DUSP14: variants seen among roughly 807,000 people sequenced by gnomAD.
DUSP14 encodes the protein dual specificity phosphatase 14, also known as dual specificity protein phosphatase 14.
A neutral mutation model predicts 13.2 loss-of-function variants in DUSP14; 5 were observed. The observed-to-expected ratio is 0.38, with a 90% CI of 0.20 to 0.80. The LOEUF (loss-of-function observed/expected upper bound fraction) is 0.80, where lower values mean the gene tolerates loss of function less well. Among genes scored for constraint, DUSP14 ranks in the 30% least tolerant of loss-of-function variants. DUSP14 has a pLI of 0.44. For synonymous variants in DUSP14, 91 were observed against 103.4 expected (o/e 0.88, Z 0.73); for missense variants, 185 against 264.0 (o/e 0.70, Z 2.07).
intron 1 of DUSP14, among the ~76,000 whole-genome samples, chr17:37,509,255 A>AG (rs2054163162): frequency 1.7e-4 from 4 of 23,676 alleles, no homozygotes; most frequent in African/African-American, 5.2e-4. Flanking sequence ...ATATATATAT[A>AG]TATATATATA....
At position 37,492,137 on chromosome 17, in the gene DUSP14, C is replaced by T. The variant is rs76034348; in HGVS notation, c.-181+2179C>T. Among the ~76,000 whole-genome samples, 1,116 of 152,190 alleles carry T rather than the reference C, an allele frequency of 7.3e-3. 8 individuals are homozygous for T. The highest frequency in any genetic ancestry group is 0.025 in the African/African-American group (1,049 of 41,508). On this transcript the variant is annotated intron_variant, in intron 1 of 2. Coordinates refer to ENST00000617516, the MANE Select transcript of DUSP14 (RefSeq NM_007026.4). ...TAATCCTGATAGACGGTGTTACTTCCCAGGGCAAGGGGCAAATTACCCCTT... is the reference window on the plus strand; with the variant it reads ...TAATCCTGATAGACGGTGTTACTTCTCAGGGCAAGGGGCAAATTACCCCTT...
intron 2 of DUSP14, among the ~76,000 whole-genome samples, chr17:37,511,938 C>CGATTTTTTTTTTTTTTTTTT (rs1568206074): frequency 2.6e-5 from 1 of 38,248 alleles, no homozygotes; most frequent in Non-Finnish European, 4.6e-5. Flanking sequence ...CCCCACCCCA[C>CGATTTTTTTTTTTTTTTTTT]TTTTTTTTTT....
intron 1 of DUSP14, among the ~76,000 whole-genome samples, chr17:37,498,123 A>G (rs2054077989): frequency 1.3e-5 from 2 of 151,608 alleles, no homozygotes; most frequent in Non-Finnish European, 2.9e-5. Context: ...TAGGGGATGG[A>G]ACTCTTAGAG....
At chr17:37,510,368 G>A (rs2054175059) in intron 1 of DUSP14, 1 of 152,296 alleles carries the variant, frequency 6.6e-6, no homozygotes, top group Admixed American at 6.5e-5. Flanking sequence ...CGAGGAGGCA[G>A]CAGTGCCGGA....
chr17:37,513,037 A>C lies in DUSP14; in HGVS notation c.*168A>C. The stretch of plus-strand genomic sequence containing the variant: ...AGAGATAGGGAGGGAGGGGACATAA[A>C]GGGAATGCATACATTGCTAGTCACA... On this transcript the variant is annotated 3_prime_UTR_variant, in exon 3 of 3. Coordinates refer to ENST00000617516, the MANE Select transcript of DUSP14 (RefSeq NM_007026.4). 1.6e-6 allele frequency: 1 copy of C among 618,310 alleles called. No homozygotes were observed. The highest frequency in any genetic ancestry group is 2.9e-5 in the Admixed American group (1 of 34,048). The allele number at this position is 618,310 out of a possible 1,614,324, so 38.3% of individuals were successfully genotyped here.
intron 1 of DUSP14, among the ~76,000 whole-genome samples, chr17:37,509,294 TATAG>T (rs1333286210): frequency 1.6e-4 from 4 of 25,132 alleles, no homozygotes; most frequent in Non-Finnish European, 3.0e-4. Flanking sequence ...TATATATATA[TATAG>T]TGTGTGTGTG....
At chr17:37,500,742 TATC>T (rs1393634888) in intron 1 of DUSP14, among the ~76,000 whole-genome samples, 1 of 152,188 alleles carries the variant, frequency 6.6e-6, no homozygotes, top group African/African-American at 2.4e-5. Flanking sequence ...GGTTTCCAGT[TATC>T]ATTAAACAAG....
At chr17:37,500,141 C>T (rs1417612715) in intron 1 of DUSP14, among the ~76,000 whole-genome samples, 4 of 152,150 alleles carry the variant, frequency 2.6e-5, no homozygotes, top group Admixed American at 6.5e-5. Context: ...GAAACTCTAG[C>T]GTGGTAATTA....
At position 37,512,403 on chromosome 17, in the gene DUSP14, A is replaced by G. The variant is rs759100584; in HGVS notation, c.131A>G (p.Asn44Ser). The change falls in exon 3 of 3, where the codon AAT (asparagine) becomes AGT (serine). Residue 44 changes from asparagine (N) to serine (S), a missense_variant. Asn to Ser is a conservative substitution (Grantham distance 46). Transcript: ENST00000617516. The surrounding 1 kb of genome is among the most constrained non-coding windows in gnomAD (Gnocchi z 4.8). ...LFLGRGSVAS[N>S]RHLLQARGIT... is the part of the protein sequence containing the mutation. ...CTGGGCAGAGGCAGTGTGGCCTCCA[A>G]TCGGCACCTCCTCCAGGCTCGTGGC... The G allele has an allele frequency of 4.4e-5, 71 of 1,614,028 alleles. No individual in the cohort carries two copies. The highest frequency in any genetic ancestry group is 2.0e-4 in the Admixed American group (12 of 59,996).
chr17:37,497,283 CG>C (rs1202131642), intron 1 of DUSP14, among the ~76,000 whole-genome samples: 2 of 152,076 alleles, frequency 1.3e-5, no homozygotes, highest in Non-Finnish European at 2.9e-5. Flanking sequence ...GCTGGGATTA[CG>C]GGCACATGCC....
intron 1 of DUSP14, among the ~76,000 whole-genome samples, chr17:37,501,380 C>T (rs976829300): frequency 7.9e-5 from 12 of 152,146 alleles, no homozygotes; most frequent in African/African-American, 1.9e-4. Flanking sequence ...ATAGAGCCTG[C>T]GTTCTGCATT....
Position 37,492,992 on chromosome 17 carries a change from C to CGTGT in DUSP14, c.-181+3047_-181+3050dup, listed in dbSNP as rs368795488. 3.3e-5 allele frequency among the ~76,000 whole-genome samples: 5 copies of CGTGT among 150,424 alleles called. No individual in the cohort carries two copies. In the East Asian group the frequency reaches 7.8e-4, roughly 23 times the overall value. On this transcript the variant is annotated intron_variant, in intron 1 of 2. Coordinates refer to ENST00000617516, the MANE Select transcript of DUSP14 (RefSeq NM_007026.4). The stretch of plus-strand genomic sequence containing the variant: ...GTGAATCCTTCCTTCTGGCCGGCAT[C>CGTGT]GTGTGTGTGTGTGTGTATGTGTATG...
intron 1 of DUSP14, chr17:37,491,333 A>C (rs1435297550): frequency 6.6e-6 from 1 of 152,242 alleles, no homozygotes; most frequent in Non-Finnish European, 1.5e-5. Context: ...CATCAGGGAC[A>C]CTTCACATCA....
intron 1 of DUSP14, among the ~76,000 whole-genome samples, chr17:37,503,620 AC>A (rs549745424): frequency 1.5e-3 from 224 of 152,338 alleles, no homozygotes; most frequent in Non-Finnish European, 2.7e-3. Flanking sequence ...GTGGGTGAGG[AC>A]CAAATACAAG....
rs71135737 is a variant in DUSP14 at position 37,509,297 on chromosome 17, A to AGTGTGT, written c.-180-1357_-180-1352dup. The stretch of plus-strand genomic sequence containing the variant: ...TATATATATATATATATATATATAT[A>AGTGTGT]GTGTGTGTGTGTGTGTGTGTGTGTG... On this transcript the variant is annotated intron_variant, in intron 1 of 2. Coordinates refer to ENST00000617516, the MANE Select transcript of DUSP14 (RefSeq NM_007026.4). Among the ~76,000 whole-genome samples, 36 of 26,728 alleles carry AGTGTGT rather than the reference A, an allele frequency of 1.3e-3. 1 individual carries two copies. Among genetic ancestry groups the AGTGTGT allele is most frequent in the African/African-American group, 3.9e-3 (25 of 6,486 alleles). 17.5% of individuals were successfully genotyped at this position (26,728 alleles called of 152,430 possible).
chr17:37,509,104 C>CATATATAT (rs1164025226), intron 1 of DUSP14, among the ~76,000 whole-genome samples: 2 of 36,040 alleles, frequency 5.5e-5, no homozygotes, highest in African/African-American at 3.7e-4. Flanking sequence ...AAAAAAAACC[C>CATATATAT]ATATATATAT....
At chr17:37,497,833 C>T (rs1217238713) in intron 1 of DUSP14, among the ~76,000 whole-genome samples, 1 of 150,720 alleles carries the variant, frequency 6.6e-6, no homozygotes, top group Non-Finnish European at 1.5e-5. Context: ...GCCAGAGTAT[C>T]ACTTGAGCCC....
chr17:37,498,652 T>G (rs1365835358), intron 1 of DUSP14, among the ~76,000 whole-genome samples: 1 of 149,108 alleles, frequency 6.7e-6, no homozygotes, highest in Non-Finnish European at 1.5e-5. Context: ...TCCAAATGAC[T>G]ACTGTATTAT....
upstream of DUSP14, among the ~76,000 whole-genome samples, chr17:37,489,311 A>T (rs1246747659): frequency 6.6e-6 from 1 of 151,808 alleles, no homozygotes; most frequent in East Asian, 2.0e-4. Context: ...CGGAGGTTGC[A>T]TGTTCACCTC....
Sources: gnomAD v4.1 joint callset for allele counts (sites outside exome capture counted in the v4.1 genomes callset) on GRCh38, gnomAD v4.1.1 for gene constraint, Gnocchi (gnomAD v3.1) non-coding constraint, MANE v1.5 for transcripts, NCBI Gene and HGNC (gene_info 2026-07-23, HGNC 2026-07-21) for gene names.